Variants in KIF14 observed in about 807,000 individuals in gnomAD.
KIF14 encodes kinesin family member 14, also known as kinesin-like protein KIF14.
KIF14 carries 98 observed loss-of-function variants against 176.2 expected under a neutral mutation model. The ratio of observed to expected loss-of-function variants is 0.56; its 90% CI spans 0.47 to 0.66. The LOEUF (loss-of-function observed/expected upper bound fraction) is 0.66, where lower values mean the gene tolerates loss of function less well. Ranked by LOEUF, KIF14 falls within the 30% of genes least tolerant of loss-of-function variation. The pLI, the probability that KIF14 is intolerant of heterozygous loss-of-function variation, is 0.00. For missense variants in KIF14, 1,751 were observed against 1,920.4 expected (o/e 0.91, Z 1.65); for synonymous variants, 566 against 632.2 (o/e 0.90, Z 1.57).
chr1:200,602,353 G>C (rs1659668378), intron 10 of KIF14, among the ~76,000 whole-genome samples: 1 of 152,160 alleles, frequency 6.6e-6, no homozygotes, highest in South Asian at 2.1e-4. Flanking sequence ...ATAGGGAAGG[G>C]ACTATGTGTC....
intron 14 of KIF14, among the ~76,000 whole-genome samples, chr1:200,597,738 A>G (rs914001143): frequency 1.3e-5 from 2 of 152,242 alleles, no homozygotes; most frequent in African/African-American, 4.8e-5. Flanking sequence ...AGATAAACTC[A>G]TACAATGGAA....
rs1380624865 is a variant in KIF14 at position 200,615,583 on chromosome 1, A to C, written c.1139T>G (p.Val380Gly). The C allele has an allele frequency of 3.7e-6, 6 of 1,610,744 alleles. No individual in the cohort carries two copies. Among genetic ancestry groups the C allele is most frequent in the Non-Finnish European group, 5.1e-6 (6 of 1,178,878 alleles). Residue 380 changes from valine to glycine, a missense_variant, in exon 3 of 30, where the codon GTA (valine) becomes GGA (glycine). Transcript: ENST00000367350. ...KREKIEKASQ[V>G]VFMSGKEITV... is the part of the protein sequence containing the mutation. ...TATTTCTTTCCCACTCATGAAGACT[A>C]CCTGGGATGCTTTTTCAATCTTCTC... is the stretch of plus-strand genomic sequence containing the variant.
At chr1:200,589,880 T>G (rs1353931361) in intron 17 of KIF14, among the ~76,000 whole-genome samples, 1 of 151,970 alleles carries the variant, frequency 6.6e-6, no homozygotes, top group Admixed American at 6.6e-5. Context: ...CTTGAACTCC[T>G]GGGCTCAAGT....
At chr1:200,600,216 T>C in intron 12 of KIF14, 103 bp from the exon 13 acceptor site, 2 of 1,197,414 alleles carry the variant, frequency 1.7e-6, no homozygotes, top group Non-Finnish European at 2.4e-6. Context: ...CTAGTAATAT[T>C]TAAAATATGA....
chr1:200,592,398 CAG>C (rs1659099947), intron 15 of KIF14, among the ~76,000 whole-genome samples, 158 bp from the exon 16 acceptor site: 3 of 152,006 alleles, frequency 2.0e-5, no homozygotes. Flanking sequence ...TCTTTTGGCA[CAG>C]AGTCTCACTA....
chr1:200,600,798 T>C (rs1659588481), intron 11 of KIF14, among the ~76,000 whole-genome samples: 1 of 152,122 alleles, frequency 6.6e-6, no homozygotes, highest in South Asian at 2.1e-4. Context: ...ATTGTTAAAG[T>C]GAAAGTTTAT....
intron 25 of KIF14, among the ~76,000 whole-genome samples, chr1:200,563,516 C>T (rs1657274772): frequency 6.6e-6 from 1 of 151,972 alleles, no homozygotes; most frequent in Admixed American, 6.6e-5. Context: ...AGGTACATGC[C>T]ACCAAAAAAT....
chr1:200,575,547 GCACA>G (rs1394022385), intron 22 of KIF14, 40 bp downstream of exon 22: 15 of 1,030,668 alleles, frequency 1.5e-5, no homozygotes, highest in East Asian at 2.4e-5. Flanking sequence ...ACACACACAT[GCACA>G]CACAAAGTGC....
chr1:200,555,960 A>C (rs1012870157), intron 27 of KIF14, among the ~76,000 whole-genome samples: 1 of 152,232 alleles, frequency 6.6e-6, no homozygotes, highest in Non-Finnish European at 1.5e-5. Context: ...TAGATACAAA[A>C]TTTCTAAATT....
chr1:200,618,060 C>G lies in KIF14; in HGVS notation c.664G>C (p.Ala222Pro). The change falls in exon 2 of 30, where the codon GCT becomes CCT. Residue 222 changes from alanine (A) to proline (P), a missense_variant. By Grantham distance (27) the Ala-to-Pro change is conservative. Transcript: ENST00000367350. ...LKYSSNRPPI[A>P]SLSQTEVVRS... ...ACAACTTCAGTCTGACTCAGGGAAG[C>G]AATGGGTGGTCTATTACTTGAGTAC... is the stretch of plus-strand genomic sequence containing the variant. 6.2e-7 allele frequency: 1 copy of G among 1,614,100 alleles called. No homozygotes were observed. The highest frequency in any genetic ancestry group is 8.5e-7 in the Non-Finnish European group (1 of 1,179,986).
intron 27 of KIF14, among the ~76,000 whole-genome samples, chr1:200,556,490 T>C (rs1656835350): frequency 6.6e-6 from 1 of 152,140 alleles, no homozygotes. Context: ...AACCCTACCA[T>C]GAACAACAAA....
chr1:200,605,798 T>C, intron 7 of KIF14, 66 bp downstream of exon 7: 1 of 1,030,746 alleles, frequency 9.7e-7, no homozygotes, highest in Non-Finnish European at 1.4e-6. Flanking sequence ...TAAGAAAAAA[T>C]ATTCTTATAA....
At chr1:200,559,249 T>C (rs1204585379) in intron 27 of KIF14, 81 bp downstream of exon 27, 3 of 847,624 alleles carry the variant, frequency 3.5e-6, no homozygotes, top group South Asian at 4.3e-5. Context: ...TATGAATTTA[T>C]AGAAATCTAA....
chr1:200,559,290 T>C (rs769402707), intron 27 of KIF14, 40 bp downstream of exon 27: 2 of 1,249,064 alleles, frequency 1.6e-6, no homozygotes, highest in Non-Finnish European at 2.1e-6. Flanking sequence ...ACTTTATATA[T>C]TATTTAGTAC....
chr1:200,567,355 C>A (rs1657521109), intron 23 of KIF14, among the ~76,000 whole-genome samples: 2 of 151,954 alleles, frequency 1.3e-5, no homozygotes, highest in African/African-American at 4.8e-5. Context: ...TCCTGGCTAA[C>A]ACAGTGAAAC....
At chr1:200,570,334 C>T (rs888837048) in intron 22 of KIF14, among the ~76,000 whole-genome samples, 1 of 152,126 alleles carries the variant, frequency 6.6e-6, no homozygotes, top group African/African-American at 2.4e-5. Flanking sequence ...CAAATAATTA[C>T]AGTAAAGTGA....
At chr1:200,616,192 T>C (rs985734898) in intron 2 of KIF14, among the ~76,000 whole-genome samples, 20 of 152,278 alleles carry the variant, frequency 1.3e-4, no homozygotes, top group African/African-American at 4.8e-4. Context: ...AAAAACATCA[T>C]CACTCTTTGT....
In KIF14 at chr1:200,559,377, CT is replaced by C. The variant is rs1657004986; in HGVS notation, c.4305del (p.Ala1436GlnfsTer21). ...AAGAGTTCATGCTGAAGTTCTTTTG[CT>C]TTTTCCAGTCCAGAATCTAATAAAA... is the stretch of plus-strand genomic sequence containing the variant. Reference protein sequence around the residue: ...MKILLDSGLEKAKELQHELFR... With the variant: ...MKILLDSGLEXAKELQHELFR... On this transcript the variant is annotated frameshift_variant, in exon 27 of 30. Coordinates refer to ENST00000367350, the MANE Select transcript of KIF14 (RefSeq NM_014875.3). LOFTEE classifies it high-confidence loss of function. 6.3e-7 allele frequency: 1 copy of C among 1,592,084 alleles called. No homozygotes were observed. Among genetic ancestry groups the C allele is most frequent in the Non-Finnish European group, 8.6e-7 (1 of 1,168,750 alleles).
chr1:200,568,763 T>G (rs1657606943), intron 23 of KIF14, among the ~76,000 whole-genome samples: 1 of 152,180 alleles, frequency 6.6e-6, no homozygotes, highest in Non-Finnish European at 1.5e-5. Context: ...TGCCTGTCCT[T>G]AAACTTCATA....
Sources: gnomAD v4.1 joint callset for allele counts (sites outside exome capture counted in the v4.1 genomes callset) on GRCh38, gnomAD v4.1.1 for gene constraint, MANE v1.5 for transcripts, NCBI Gene and HGNC (gene_info 2026-07-23, HGNC 2026-07-21) for gene names.